Variants in TTLL11 observed in about 807,000 individuals in gnomAD.
TTLL11 encodes tubulin tyrosine ligase like 11.
Under a neutral mutation model 51.7 loss-of-function variants are expected in TTLL11, and 42 were observed. That is an observed-to-expected ratio of 0.81 (90% CI 0.64 to 1.05). TTLL11 has a LOEUF of 1.05. TTLL11 is among the 50% of genes least tolerant of loss of function. The pLI is 0.00. For synonymous variants in TTLL11, 381 were observed against 383.5 expected (o/e 0.99, Z 0.08); for missense variants, 799 against 940.4 (o/e 0.85, Z 1.97).
At chr9:121,900,472 T>C (rs1167506746) in intron 6 of TTLL11, among the ~76,000 whole-genome samples, 1 of 152,196 alleles carries the variant, frequency 6.6e-6, no homozygotes, top group East Asian at 1.9e-4. Context: ...TGGATTTCTT[T>C]TTATTTTGCT....
chr9:121,881,581 G>A (rs568521577), intron 6 of TTLL11, among the ~76,000 whole-genome samples: 1 of 152,282 alleles, frequency 6.6e-6, no homozygotes, highest in Admixed American at 6.5e-5. Context: ...CAATTCCCGC[G>A]GTACAGGTGT....
intron 1 of TTLL11, among the ~76,000 whole-genome samples, chr9:122,064,299 T>C (rs568204313): frequency 1.3e-5 from 2 of 152,214 alleles, no homozygotes; most frequent in South Asian, 4.1e-4. Context: ...TCTTTTGACT[T>C]AGGGGGAGGG....
chr9:122,058,253 T>C (rs1845345600), intron 1 of TTLL11, among the ~76,000 whole-genome samples: 1 of 152,082 alleles, frequency 6.6e-6, no homozygotes, highest in Admixed American at 6.5e-5. Context: ...GGAGTAGGCG[T>C]GAAACAGATG....
chr9:121,831,187 A>C (rs1304350041), intron 8 of TTLL11, among the ~76,000 whole-genome samples: 1 of 152,342 alleles, frequency 6.6e-6, no homozygotes, highest in East Asian at 1.9e-4. Context: ...TGGTTTTCAA[A>C]CATTTTACAC....
At chr9:121,881,213 A>G (rs1378679783) in intron 6 of TTLL11, among the ~76,000 whole-genome samples, 1 of 152,244 alleles carries the variant, frequency 6.6e-6, no homozygotes, top group African/African-American at 2.4e-5. Context: ...CTCAGTGCCT[A>G]TCTGCAACAC....
At chr9:121,966,540 A>C (rs994710274) in intron 6 of TTLL11, among the ~76,000 whole-genome samples, 1 of 152,186 alleles carries the variant, frequency 6.6e-6, no homozygotes, top group African/African-American at 2.4e-5. Flanking sequence ...TTGAGATTGC[A>C]ATTTATTTAC....
intron 8 of TTLL11, among the ~76,000 whole-genome samples, chr9:121,850,869 T>C (rs1406700945): frequency 6.6e-6 from 1 of 152,198 alleles, no homozygotes; most frequent in Non-Finnish European, 1.5e-5. Flanking sequence ...TACAAACTTA[T>C]GTCCACACAA....
intron 6 of TTLL11, among the ~76,000 whole-genome samples, chr9:121,909,315 T>C (rs1840036051): frequency 6.6e-6 from 1 of 152,074 alleles, no homozygotes; most frequent in African/African-American, 2.4e-5. Context: ...CCAGAAGGTA[T>C]GCTGAGGGCA....
At chr9:121,900,140 C>T (rs1462452838) in intron 6 of TTLL11, among the ~76,000 whole-genome samples, 1 of 152,180 alleles carries the variant, frequency 6.6e-6, no homozygotes, top group African/African-American at 2.4e-5. Flanking sequence ...GTCCCAATGG[C>T]CTCTGGACCT....
intron 1 of TTLL11, 130 bp downstream of exon 1, chr9:122,092,557 C>G: frequency 6.9e-7 from 1 of 1,444,790 alleles, no homozygotes; most frequent in Non-Finnish European, 9.1e-7. Flanking sequence ...GGCTGACAAG[C>G]AGGCCCGAGC....
intron 1 of TTLL11, among the ~76,000 whole-genome samples, chr9:122,079,914 G>A (rs1298407681): frequency 1.3e-5 from 2 of 152,040 alleles, no homozygotes; most frequent in Admixed American, 1.3e-4. Flanking sequence ...GATCACTTGA[G>A]GCTAGGCGTT....
chr9:121,882,639 C>T (rs1838842823), intron 6 of TTLL11, among the ~76,000 whole-genome samples: 1 of 152,152 alleles, frequency 6.6e-6, no homozygotes, highest in Admixed American at 6.5e-5. Context: ...CCACAGTCTT[C>T]CTGGGCGTTC....
At chr9:122,017,277 G>C (rs986267233) in intron 3 of TTLL11, among the ~76,000 whole-genome samples, 1 of 151,968 alleles carries the variant, frequency 6.6e-6, no homozygotes, top group Non-Finnish European at 1.5e-5. Context: ...ATAAAGCCCC[G>C]TGTTTGGCTT....
At chr9:121,861,754 T>C (rs549637353) in intron 7 of TTLL11, among the ~76,000 whole-genome samples, 42 of 152,328 alleles carry the variant, frequency 2.8e-4, no homozygotes, top group Non-Finnish European at 4.7e-4. Flanking sequence ...CCATCACTAC[T>C]GTCCAGAAGC....
intron 1 of TTLL11, among the ~76,000 whole-genome samples, chr9:122,088,442 T>C (rs1036833765): frequency 1.3e-5 from 2 of 152,222 alleles, no homozygotes; most frequent in Non-Finnish European, 2.9e-5. Flanking sequence ...GAGCACAGAA[T>C]TGAAGCCTGG....
intron 2 of TTLL11, 55 bp downstream of exon 2, chr9:122,039,217 T>C (rs1844778135): frequency 7.1e-7 from 1 of 1,402,028 alleles, no homozygotes; most frequent in African/African-American, 1.4e-5. Flanking sequence ...TAGAAGAGTG[T>C]ATCTGAGACT....
chr9:121,973,174 G>A lies in TTLL11; in HGVS notation c.1481+835C>T, dbSNP rs113247374. ...TGGGGTGATTTCATGGAGGGAGGGC[G>A]AAGCACATATATCCACCAACAGCGC... is the stretch of plus-strand genomic sequence containing the variant. On this transcript the variant is annotated intron_variant, in intron 6 of 8. Coordinates refer to ENST00000321582, the MANE Select transcript of TTLL11 (RefSeq NM_001139442.2). Among the ~76,000 whole-genome samples, 881 of 152,322 alleles carry A rather than the reference G, an allele frequency of 5.8e-3. 10 individuals are homozygous for A. Among genetic ancestry groups the A allele is most frequent in the African/African-American group, 0.02 (846 of 41,570 alleles).
chr9:121,933,254 T>C (rs895555669), intron 6 of TTLL11, among the ~76,000 whole-genome samples: 7 of 152,128 alleles, frequency 4.6e-5, no homozygotes, highest in African/African-American at 1.7e-4. Context: ...GTGGGTACCA[T>C]AGATGCCGGG....
chr9:121,900,179 C>A (rs1408683221), intron 6 of TTLL11, among the ~76,000 whole-genome samples: 3 of 152,186 alleles, frequency 2.0e-5, no homozygotes, highest in African/African-American at 7.2e-5. Flanking sequence ...GAGCATCTTG[C>A]CTTTAGTGAG....
Sources: gnomAD v4.1 joint callset for allele counts (sites outside exome capture counted in the v4.1 genomes callset) on GRCh38, gnomAD v4.1.1 for gene constraint, MANE v1.5 for transcripts, NCBI Gene and HGNC (gene_info 2026-07-23, HGNC 2026-07-21) for gene names.